Variants in GALNT8 observed in about 807,000 individuals in gnomAD.
GALNT8 encodes probable polypeptide N-acetylgalactosaminyltransferase 8.
In GALNT8, 66 loss-of-function variants were observed where a neutral mutation model predicts 62.7. The ratio of observed to expected loss-of-function variants is 1.05; its 90% confidence interval spans 0.86 to 1.29. The LOEUF (loss-of-function observed/expected upper bound fraction) is 1.29, where lower values mean the gene tolerates loss of function less well. GALNT8 is among the 50% of genes most tolerant of loss of function. GALNT8 has a pLI of 0.00. For synonymous variants in GALNT8, 288 were observed against 294.3 expected (o/e 0.98, Z 0.22); for missense variants, 771 against 791.8 (o/e 0.97, Z 0.32).
Position 4,772,689 on chromosome 12 carries a change from A to C in GALNT8, c.*92A>C, listed in dbSNP as rs1946431363. 2.9e-6 allele frequency: 3 copies of C among 1,034,690 alleles called. No individual in the cohort carries two copies. The allele number at this position is 1,034,690 out of a possible 1,614,324, so 64.1% of individuals were successfully genotyped here. A position where few individuals can be genotyped will look rare whatever the true frequency, so the allele number is the denominator to read the frequency against. On this transcript the variant is annotated 3_prime_UTR_variant, in exon 11 of 11. Transcript: ENST00000252318. ...CCCAGCTTCTTTCTCAATGAGAAAGAAAGCATGTGTATGTCTGTTTATGGC... is the reference window on the plus strand; with the variant it reads ...CCCAGCTTCTTTCTCAATGAGAAAGCAAGCATGTGTATGTCTGTTTATGGC...
intron 2 of GALNT8, among the ~76,000 whole-genome samples, chr12:4,735,628 G>A (rs1318513814): frequency 6.6e-6 from 1 of 152,264 alleles, no homozygotes; most frequent in Non-Finnish European, 1.5e-5. Flanking sequence ...TCAACTCCAG[G>A]TGCATGAGTC....
chr12:4,748,827 T>C (rs1946311357), intron 6 of GALNT8, among the ~76,000 whole-genome samples: 1 of 152,212 alleles, frequency 6.6e-6, no homozygotes. Context: ...TTTAATAATA[T>C]TGATTCTTCC....
At chr12:4,769,994 C>A (rs578020331) in intron 10 of GALNT8, among the ~76,000 whole-genome samples, 1 of 152,206 alleles carries the variant, frequency 6.6e-6, no homozygotes, top group South Asian at 2.1e-4. Context: ...TGACACGCAG[C>A]ACCCCAAAAT....
chr12:4,744,622 C>G lies in GALNT8; in HGVS notation c.782C>G (p.Ala261Gly), dbSNP rs1027328890. ...CCTGAAAGGAAAGGTCTTGCTCAAG[C>G]CCGCAACACTGGCTGGGAAGCTGCC... ...RHPERKGLAQ[A>G]RNTGWEAATA... The change falls in exon 4 of 11, where the codon GCC (alanine) becomes GGC (glycine). Residue 261 changes from alanine to glycine, a missense_variant. Transcript: ENST00000252318. 27 of 1,613,568 alleles carry G rather than the reference C, an allele frequency of 1.7e-5. No homozygotes were observed. Among genetic ancestry groups the G allele is most frequent in the Non-Finnish European group, 2.3e-5 (27 of 1,179,656 alleles).
intron 6 of GALNT8, among the ~76,000 whole-genome samples, chr12:4,754,993 C>T (rs1377900819): frequency 6.6e-6 from 1 of 152,230 alleles, no homozygotes. Context: ...CTCCTCACTT[C>T]TCCCTCTCCT....
At chr12:4,750,874 A>G (rs571361620) in intron 6 of GALNT8, among the ~76,000 whole-genome samples, 4 of 152,208 alleles carry the variant, frequency 2.6e-5, no homozygotes, top group East Asian at 3.9e-4. Context: ...CTTACTTCAA[A>G]CTATACTACA....
At chr12:4,731,809 A>C (rs1350285822) in intron 2 of GALNT8, among the ~76,000 whole-genome samples, 2 of 152,224 alleles carry the variant, frequency 1.3e-5, no homozygotes, top group African/African-American at 4.8e-5. Flanking sequence ...ATGTTGGACT[A>C]TCTTTGCATC....
At chr12:4,729,011 A>G (rs1173280852) in intron 2 of GALNT8, among the ~76,000 whole-genome samples, 1 of 152,098 alleles carries the variant, frequency 6.6e-6, no homozygotes, top group African/African-American at 2.4e-5. Flanking sequence ...AAATCTTTCC[A>G]TTTATTTAGG....
chr12:4,745,728 G>T lies in GALNT8; in HGVS notation c.1058+102G>T, dbSNP rs74056121. 106 of 835,818 alleles carry T rather than the reference G, an allele frequency of 1.3e-4. 1 individual carries two copies. The African/African-American group carries it at 1.7e-3, about 14-fold the overall frequency. 51.8% of individuals were successfully genotyped at this position (835,818 alleles called of 1,614,324 possible). On this transcript the variant is annotated intron_variant, in intron 5 of 10. Coordinates refer to ENST00000252318, the MANE Select transcript of GALNT8 (RefSeq NM_017417.2). ...TTGGTGGTAGTAATTGGGGTGACGT[G>T]GAAGGAGGGGAGGGGATGAGGTGAA...
intron 10 of GALNT8, among the ~76,000 whole-genome samples, chr12:4,768,824 T>C (rs1025426142): frequency 1.3e-5 from 2 of 152,256 alleles, no homozygotes; most frequent in African/African-American, 4.8e-5. Flanking sequence ...AATGTTGGGC[T>C]CTTCTGGTTC....
At chr12:4,740,470 C>G (rs1248942312) in intron 3 of GALNT8, among the ~76,000 whole-genome samples, 1 of 150,132 alleles carries the variant, frequency 6.7e-6, no homozygotes, top group African/African-American at 2.5e-5. Flanking sequence ...ATCATCCAGG[C>G]TGGAGTGCAG....
At chr12:4,758,869 C>G (rs1370988258) in intron 6 of GALNT8, among the ~76,000 whole-genome samples, 1 of 151,934 alleles carries the variant, frequency 6.6e-6, no homozygotes. Context: ...CTCCACCTCC[C>G]AGGTTCAAGT....
rs117648608 is a variant in GALNT8, at chr12:4,734,877, C to T, written c.510-4286C>T. Among the ~76,000 whole-genome samples the T allele has an allele frequency of 1.7e-3, 259 of 152,186 alleles. 5 individuals carry two copies. The East Asian group carries it at 0.048, about 28-fold the overall frequency. On this transcript the variant is annotated intron_variant, in intron 2 of 10. Transcript: ENST00000252318. ...CATTCACCTGCATTTTGGCTTTTGC[C>T]TAAAATTCCCTTGCAGTTTCAGAGG...
intron 10 of GALNT8, among the ~76,000 whole-genome samples, chr12:4,769,007 A>G (rs1429538510): frequency 6.6e-6 from 1 of 152,128 alleles, no homozygotes; most frequent in Non-Finnish European, 1.5e-5. Flanking sequence ...CTCACAAGAG[A>G]GCCAGTGATG....
In GALNT8 at chr12:4,760,946, C is replaced by T. The variant is rs1272616752; in HGVS notation, c.1174-12C>T. 6.2e-7 allele frequency: 1 copy of T among 1,610,258 alleles called. No individual in the cohort carries two copies. Reference sequence around the variant, plus strand: ...TGTGAAGCACGGGTGATTTTTTGGTCTTCTTCTGCAGGTGTGGCAGTGTGG... The same window carrying T: ...TGTGAAGCACGGGTGATTTTTTGGTTTTCTTCTGCAGGTGTGGCAGTGTGG... On this transcript the variant is annotated splice_polypyrimidine_tract_variant and intron_variant, in intron 6 of 10. Coordinates refer to ENST00000252318, the MANE Select transcript of GALNT8 (RefSeq NM_017417.2).
Position 4,726,874 on chromosome 12 carries a change from T to A in GALNT8, c.509+45T>A, listed in dbSNP as rs1486469437. The A allele has an allele frequency of 4.6e-6, 7 of 1,513,638 alleles. No homozygotes were observed. The South Asian group carries it at 8.7e-5, about 19-fold the overall frequency. The allele number at this position is 1,513,638 out of a possible 1,614,324, so 93.8% of individuals were successfully genotyped here. A position where few individuals can be genotyped will look rare whatever the true frequency, so the allele number is the denominator to read the frequency against. On this transcript the variant is annotated intron_variant, in intron 2 of 10. Coordinates refer to ENST00000252318, the MANE Select transcript of GALNT8 (RefSeq NM_017417.2). This position sits in a 1 kb window ranked among gnomAD's most constrained non-coding sequence, Gnocchi z 4.1. ...GGCTTCTAGGGTCCTCAGTTTGATT[T>A]GAGGATGAGCTTTGGGAGCAGTGAA... is the stretch of plus-strand genomic sequence containing the variant.
intron 6 of GALNT8, among the ~76,000 whole-genome samples, chr12:4,756,238 TC>T (rs555516455): frequency 3.3e-4 from 50 of 152,176 alleles, no homozygotes; most frequent in Admixed American, 1.1e-3. Flanking sequence ...TCTTGGTAGT[TC>T]ATCTTTTTTC....
chr12:4,722,231 G>A (rs909172848), intron 1 of GALNT8, among the ~76,000 whole-genome samples: 6 of 152,194 alleles, frequency 3.9e-5, no homozygotes, highest in Non-Finnish European at 8.8e-5. Flanking sequence ...TTGAAGAGAG[G>A]TGGCAATCTC....
chr12:4,736,432 C>T (rs1195220841), intron 2 of GALNT8, among the ~76,000 whole-genome samples: 5 of 151,980 alleles, frequency 3.3e-5, no homozygotes, highest in East Asian at 1.9e-4. Context: ...TGGGTCAAAA[C>T]GTAAACTCCC....
Sources: gnomAD v4.1 joint callset for allele counts (sites outside exome capture counted in the v4.1 genomes callset) on GRCh38, gnomAD v4.1.1 for gene constraint, Gnocchi (gnomAD v3.1) non-coding constraint, MANE v1.5 for transcripts, NCBI Gene and HGNC (gene_info 2026-07-23, HGNC 2026-07-21) for gene names.